Variants in C8orf34 observed in about 807,000 individuals in gnomAD.
The protein encoded by C8orf34 is chromosome 8 open reading frame 34.
A neutral mutation model predicts 68.3 loss-of-function variants in C8orf34; 65 were observed. The observed-to-expected ratio is 0.95, with a 90% CI of 0.78 to 1.17. The LOEUF is 1.17. Ranked by LOEUF, C8orf34 falls within the 50% of genes most tolerant of loss-of-function variation. C8orf34 has a pLI of 0.00. For synonymous variants in C8orf34, 244 were observed against 241.2 expected (o/e 1.01, Z -0.11); for missense variants, 664 against 655.4 (o/e 1.01, Z -0.14).
Position 68,334,521 on chromosome 8 carries a change from G to A in C8orf34, c.327+3182G>A, listed in dbSNP as rs146297243. Among the ~76,000 whole-genome samples, 1,296 of 151,928 alleles carry A rather than the reference G, an allele frequency of 8.5e-3. 7 individuals are homozygous for A. Among genetic ancestry groups the A allele is most frequent in the Middle Eastern group, 0.017 (5 of 292 alleles). On this transcript the variant is annotated intron_variant, in intron 1 of 13. Coordinates refer to ENST00000518698, the MANE Select transcript of C8orf34 (RefSeq NM_052958.4). Reference sequence around the variant, plus strand: ...TATATAAAGAAATAGAAACTTTTGAGTTTCTCCCATTATTGATTGGAAGAG... The same window carrying A: ...TATATAAAGAAATAGAAACTTTTGAATTTCTCCCATTATTGATTGGAAGAG...
intron 7 of C8orf34, among the ~76,000 whole-genome samples, chr8:68,550,616 C>T (rs562667389): frequency 8.6e-5 from 13 of 151,900 alleles, no homozygotes; most frequent in Admixed American, 2.6e-4. Flanking sequence ...TTTTCTATCT[C>T]TCTGAAGAAC....
intron 1 of C8orf34, among the ~76,000 whole-genome samples, chr8:68,350,880 A>G (rs1166971634): frequency 6.6e-6 from 1 of 152,070 alleles, no homozygotes; most frequent in African/African-American, 2.4e-5. Context: ...TCTCTTGAAG[A>G]CAGTATACCG....
At chr8:68,691,381 T>A (rs1030984882) in intron 8 of C8orf34, among the ~76,000 whole-genome samples, 4 of 152,086 alleles carry the variant, frequency 2.6e-5, no homozygotes, top group African/African-American at 9.7e-5. Context: ...CAGTATAGTA[T>A]AAACATAACT....
chr8:68,339,011 T>C (rs1805964979), intron 1 of C8orf34, among the ~76,000 whole-genome samples: 1 of 152,160 alleles, frequency 6.6e-6, no homozygotes, highest in Non-Finnish European at 1.5e-5. Context: ...CTTCCGTATA[T>C]CTTTGGTGAT....
intron 4 of C8orf34, among the ~76,000 whole-genome samples, chr8:68,483,322 T>C (rs1812938913): frequency 1.3e-5 from 2 of 152,170 alleles, no homozygotes; most frequent in South Asian, 4.1e-4. Flanking sequence ...CTGAGGAAGC[T>C]GAAAGGCTGA....
At chr8:68,549,600 T>C (rs1352233552) in intron 7 of C8orf34, among the ~76,000 whole-genome samples, 3 of 151,902 alleles carry the variant, frequency 2.0e-5, no homozygotes, top group African/African-American at 4.8e-5. Context: ...TATATAAAAA[T>C]CATGTCTGCA....
chr8:68,607,298 G>A (rs1188777312), intron 7 of C8orf34, among the ~76,000 whole-genome samples: 4 of 152,112 alleles, frequency 2.6e-5, no homozygotes, highest in Admixed American at 2.0e-4. Flanking sequence ...ATAACGTACT[G>A]TAGGGTGGGT....
At chr8:68,434,764 A>C (rs929509649) in intron 1 of C8orf34, among the ~76,000 whole-genome samples, 7 of 152,114 alleles carry the variant, frequency 4.6e-5, no homozygotes, top group African/African-American at 1.7e-4. Flanking sequence ...GAGAACATTG[A>C]GGCTGGGCGC....
chr8:68,463,544 A>G (rs1797591333), intron 3 of C8orf34, among the ~76,000 whole-genome samples: 1 of 152,216 alleles, frequency 6.6e-6, no homozygotes, highest in Admixed American at 6.5e-5. Context: ...AATCCTCAAT[A>G]AAATACTGGC....
intron 7 of C8orf34, among the ~76,000 whole-genome samples, chr8:68,580,391 A>T (rs1254529932): frequency 6.6e-6 from 1 of 152,120 alleles, no homozygotes; most frequent in African/African-American, 2.4e-5. Flanking sequence ...GTTAGTAGTT[A>T]TAGTTGTTTA....
intron 5 of C8orf34, among the ~76,000 whole-genome samples, chr8:68,509,444 G>C (rs889213339): frequency 6.6e-6 from 1 of 152,172 alleles, no homozygotes. Context: ...CCTTTTGCTG[G>C]CATGTTGGGC....
chr8:68,361,281 A>C (rs1036685294), intron 1 of C8orf34, among the ~76,000 whole-genome samples: 2 of 152,324 alleles, frequency 1.3e-5, no homozygotes, highest in African/African-American at 4.8e-5. Context: ...ACTGGAAAGC[A>C]CTGAAGGGTT....
chr8:68,688,127 AT>A (rs1490694308), intron 8 of C8orf34, among the ~76,000 whole-genome samples: 1 of 152,084 alleles, frequency 6.6e-6, no homozygotes, highest in Non-Finnish European at 1.5e-5. Flanking sequence ...TCAAAAAACA[AT>A]AGATGTTGGC....
At chr8:68,568,903 C>T (rs577904242) in intron 7 of C8orf34, among the ~76,000 whole-genome samples, 1 of 136,722 alleles carries the variant, frequency 7.3e-6, no homozygotes, top group South Asian at 2.1e-4. Flanking sequence ...CACAACTCTG[C>T]CATCGTAAAC....
chr8:68,807,915 G>A lies in C8orf34; in HGVS notation c.1550-7971G>A, dbSNP rs544017031. Among the ~76,000 whole-genome samples, 35 of 152,274 alleles carry A rather than the reference G, an allele frequency of 2.3e-4. No homozygotes were observed. The South Asian group carries it at 5.4e-3, about 23-fold the overall frequency. ...CCTTACTCCTCCAGTGTGGCCTTTC[G>A]GCCTAGAAGCTTAAAACCTAGGGAA... is the stretch of plus-strand genomic sequence containing the variant. On this transcript the variant is annotated intron_variant, in intron 12 of 13. Transcript: ENST00000518698.
chr8:68,607,301 G>C (rs1817884224), intron 7 of C8orf34, among the ~76,000 whole-genome samples: 2 of 152,206 alleles, frequency 1.3e-5, no homozygotes, highest in Non-Finnish European at 2.9e-5. Flanking sequence ...ACGTACTGTA[G>C]GGTGGGTGGT....
chr8:68,567,654 G>A (rs1383736823), intron 7 of C8orf34, among the ~76,000 whole-genome samples: 2 of 114,468 alleles, frequency 1.7e-5, no homozygotes, highest in South Asian at 2.9e-4. Context: ...GAGTGCAGTC[G>A]TGCAATCTCG....
At chr8:68,676,507 A>C (rs1277063475) in intron 8 of C8orf34, among the ~76,000 whole-genome samples, 1 of 152,174 alleles carries the variant, frequency 6.6e-6, no homozygotes, top group Non-Finnish European at 1.5e-5. Flanking sequence ...ATCAGGCTTA[A>C]TCTGCATTAT....
chr8:68,405,950 C>G (rs908063593), intron 1 of C8orf34, among the ~76,000 whole-genome samples: 7 of 152,076 alleles, frequency 4.6e-5, no homozygotes, highest in African/African-American at 1.4e-4. Context: ...AAAGAGTTTG[C>G]TATTAGAGGA....
Sources: gnomAD v4.1 joint callset for allele counts (sites outside exome capture counted in the v4.1 genomes callset) on GRCh38, gnomAD v4.1.1 for gene constraint, MANE v1.5 for transcripts, NCBI Gene and HGNC (gene_info 2026-07-23, HGNC 2026-07-21) for gene names.